PLA2R1: variants seen among roughly 807,000 people sequenced by gnomAD.
PLA2R1 encodes phospholipase A2 receptor 1, also known as secretory phospholipase A2 receptor.
In PLA2R1, 158 loss-of-function variants were observed where a neutral mutation model predicts 195.9. That is an observed-to-expected ratio of 0.81 (90% CI 0.71 to 0.92). The LOEUF (loss-of-function observed/expected upper bound fraction) is 0.92. Ranked by LOEUF, PLA2R1 falls within the 40% of genes least tolerant of loss-of-function variation. The pLI is 0.00. For missense variants in PLA2R1, 1,626 were observed against 1,764.6 expected (o/e 0.92, Z 1.41); for synonymous variants, 586 against 598.2 (o/e 0.98, Z 0.30).
chr2:160,029,131 G>A (rs1161911929), intron 4 of PLA2R1, among the ~76,000 whole-genome samples, 168 bp from the exon 5 acceptor site: 1 of 152,328 alleles, frequency 6.6e-6, no homozygotes, highest in East Asian at 1.9e-4. Flanking sequence ...CCACCATCTT[G>A]AGAAACAGAG....
At chr2:160,031,350 G>A (rs1693837444) in intron 4 of PLA2R1, among the ~76,000 whole-genome samples, 1 of 152,154 alleles carries the variant, frequency 6.6e-6, no homozygotes, top group Non-Finnish European at 1.5e-5. Flanking sequence ...ATACTACTAT[G>A]TAACCATTAA....
At position 160,044,848 on chromosome 2, in the gene PLA2R1, G is replaced by C. The variant is rs1694759815; in HGVS notation, c.419C>G (p.Ala140Gly). 1 of 1,613,788 alleles carries C rather than the reference G, an allele frequency of 6.2e-7. No individual in the cohort carries two copies. Residue 140 changes from alanine (A) to glycine (G), a missense_variant, in exon 2 of 30, where the codon GCC becomes GGC. Physicochemically the swap from Ala to Gly is moderately conservative, Grantham distance 60. Coordinates refer to ENST00000283243, the MANE Select transcript of PLA2R1 (RefSeq NM_007366.5). The stretch of plus-strand genomic sequence containing the variant: ...CCACTTATGAATATACTTCCGTGAG[G>C]CCACCACTGTGTTGTCATGCGCCAC... ...VQVAHDNTVV[A>G]SRKYIHKWIS...
intron 10 of PLA2R1, among the ~76,000 whole-genome samples, chr2:160,012,955 C>G (rs938498465): frequency 2.0e-5 from 3 of 151,948 alleles, no homozygotes; most frequent in Non-Finnish European, 4.4e-5. Flanking sequence ...TAACGGGTTT[C>G]ATTTCCCATA....
At position 159,967,812 on chromosome 2, in the gene PLA2R1, C is replaced by G. The variant is rs954085723; in HGVS notation, c.2765-134G>C. On this transcript the variant is annotated intron_variant, in intron 19 of 29. Transcript: ENST00000283243. ...TTTAAAATCTAGAAACTGAACTAAA[C>G]TACTGATCTTAGATTTCTCTAGGGA... The G allele has an allele frequency of 4.1e-5, 27 of 663,782 alleles. No homozygotes were observed. The African/African-American group carries it at 4.7e-4, about 12-fold the overall frequency. 41.1% of individuals were successfully genotyped at this position (663,782 alleles called of 1,614,324 possible). A position where few individuals can be genotyped will look rare whatever the true frequency, so the allele number is the denominator to read the frequency against.
chr2:160,062,044 C>T (rs1471187640), intron 1 of PLA2R1, among the ~76,000 whole-genome samples: 4 of 152,090 alleles, frequency 2.6e-5, no homozygotes, highest in African/African-American at 9.7e-5. Context: ...CCCCCCCGCC[C>T]CCGCCGCCCG....
intron 28 of PLA2R1, among the ~76,000 whole-genome samples, chr2:159,943,171 T>C (rs945628093): frequency 6.6e-6 from 1 of 152,144 alleles, no homozygotes; most frequent in African/African-American, 2.4e-5. Context: ...AGTTTTGCCA[T>C]GTTGGCCAGG....
At chr2:159,949,894 G>A (rs370421688) in intron 24 of PLA2R1, 118 bp from the exon 25 acceptor site, 10 of 722,854 alleles carry the variant, frequency 1.4e-5, no homozygotes, top group Admixed American at 2.3e-5. Context: ...CCTTTTTAAA[G>A]AGGGGCTAGG....
intron 4 of PLA2R1, among the ~76,000 whole-genome samples, chr2:160,031,349 T>C (rs1573935206): frequency 6.6e-6 from 1 of 152,244 alleles, no homozygotes; most frequent in East Asian, 1.9e-4. Flanking sequence ...TATACTACTA[T>C]GTAACCATTA....
At chr2:160,037,973 C>CCCTG (rs1420636673) in intron 3 of PLA2R1, among the ~76,000 whole-genome samples, 3 of 152,112 alleles carry the variant, frequency 2.0e-5, no homozygotes, top group Non-Finnish European at 4.4e-5. Flanking sequence ...GGTTATAACC[C>CCCTG]CAGGAGCCAG....
At chr2:160,007,341 C>T (rs1692061240) in intron 10 of PLA2R1, among the ~76,000 whole-genome samples, 1 of 152,188 alleles carries the variant, frequency 6.6e-6, no homozygotes, top group South Asian at 2.1e-4. Context: ...GCTCCACCCC[C>T]AGCCTCTGCC....
intron 6 of PLA2R1, among the ~76,000 whole-genome samples, chr2:160,023,202 T>C (rs1693257279): frequency 6.6e-6 from 1 of 152,130 alleles, no homozygotes; most frequent in Non-Finnish European, 1.5e-5. Context: ...GTTTAGGAGC[T>C]GGGTAAAATA....
intron 25 of PLA2R1, among the ~76,000 whole-genome samples, chr2:159,949,219 C>T (rs1409651578): frequency 6.6e-6 from 1 of 152,098 alleles, no homozygotes; most frequent in Non-Finnish European, 1.5e-5. Flanking sequence ...ATCCCAACAT[C>T]GGCTTTGTCT....
chr2:160,019,161 T>G (rs2715937), intron 8 of PLA2R1, among the ~76,000 whole-genome samples: 110,169 of 152,102 alleles, frequency 0.72, 40,366 homozygotes, highest in East Asian at 0.87. Context: ...TTCAGGCTAC[T>G]GGGACCACTC....
intron 8 of PLA2R1, among the ~76,000 whole-genome samples, chr2:160,018,458 C>G (rs1016358986): frequency 6.6e-6 from 1 of 152,102 alleles, no homozygotes; most frequent in Admixed American, 6.6e-5. Flanking sequence ...AACATGAAAC[C>G]CCATGTCTAC....
In PLA2R1 at chr2:160,042,839, GTGT is replaced by G. The variant is rs1558996408; in HGVS notation, c.494-644_494-642del. On this transcript the variant is annotated intron_variant, in intron 2 of 29. Transcript: ENST00000283243. ...TGTGTGTGTGTGTGTGTGTGTGTGT[GTGT>G]ATGTGTGAGACAGAGGGAGAGAGAG... Among the ~76,000 whole-genome samples, 27 of 66,014 alleles carry G rather than the reference GTGT, an allele frequency of 4.1e-4. 3 individuals are homozygous for G. The highest frequency in any genetic ancestry group is 1.2e-3 in the East Asian group (3 of 2,458). The allele number at this position is 66,014 out of a possible 152,430, so 43.3% of individuals were successfully genotyped here. A position where few individuals can be genotyped will look rare whatever the true frequency, so the allele number is the denominator to read the frequency against.
rs924713277 is a variant in PLA2R1, at chr2:159,939,852, G to A, written c.*1926C>T. 6.6e-6 allele frequency: 1 copy of A among 152,142 alleles called. No homozygotes were observed. Among genetic ancestry groups the A allele is most frequent in the African/African-American group, 2.4e-5 (1 of 41,428 alleles). The allele number at this position is 152,142 out of a possible 1,614,324, so 9.4% of individuals were successfully genotyped here. On this transcript the variant is annotated 3_prime_UTR_variant, in exon 30 of 30. Transcript: ENST00000283243. ...TCCACTCAAAAGATGGTTAAATTGG[G>A]CTTTTATACCATCTGGTGAGTTCAA...
chr2:160,028,321 T>C lies in PLA2R1; in HGVS notation c.996A>G (p.Thr332=). ...FEPFVEDHCG[T]FSSFMPSAWR... ...AGGCACTTGGCATAAATGAACTAAA[T>C]GTTCCACAGTGATCTTCAACAAATG... Residue 332 remains threonine (T), a synonymous_variant, in exon 6 of 30, where the codon ACA becomes ACG. Coordinates refer to ENST00000283243, the MANE Select transcript of PLA2R1 (RefSeq NM_007366.5). The C allele has an allele frequency of 1.9e-6, 3 of 1,609,164 alleles. No homozygotes were observed. The highest frequency in any genetic ancestry group is 2.2e-5 in the East Asian group (1 of 44,826).
intron 19 of PLA2R1, among the ~76,000 whole-genome samples, chr2:159,968,031 T>C (rs1481723858): frequency 6.6e-6 from 1 of 152,136 alleles, no homozygotes; most frequent in Non-Finnish European, 1.5e-5. Context: ...AATTTCAATG[T>C]ACAGAGAGGA....
chr2:159,953,023 T>C (rs948160307), intron 23 of PLA2R1, among the ~76,000 whole-genome samples: 1 of 152,222 alleles, frequency 6.6e-6, no homozygotes, highest in African/African-American at 2.4e-5. Context: ...AAAATCAAAA[T>C]AATATCAAAG....
Sources: allele counts gnomAD v4.1 joint callset (sites outside exome capture counted in the v4.1 genomes callset), GRCh38; gene constraint gnomAD v4.1.1; transcripts MANE v1.5; gene names NCBI Gene and HGNC (gene_info 2026-07-23, HGNC 2026-07-21).